NETO1: variants seen among roughly 807,000 people sequenced by gnomAD.
NETO1 encodes the protein neuropilin and tolloid-like protein 1.
In NETO1, 26 loss-of-function variants were observed where a neutral mutation model predicts 61.3. The ratio of observed to expected loss-of-function variants is 0.42; its 90% confidence interval spans 0.31 to 0.59. The LOEUF is 0.59. NETO1 is among the 20% of genes least tolerant of loss of function. The pLI, the probability that NETO1 is intolerant of heterozygous loss-of-function variation, is 0.12. For missense variants in NETO1, 531 were observed against 662.8 expected, an observed-to-expected ratio of 0.80 and a Z score of 2.18; for synonymous variants, 225 against 225.8, an observed-to-expected ratio of 1.00 and a Z score of 0.03.
At chr18:72,798,104 T>A (rs574439979) in intron 4 of NETO1, among the ~76,000 whole-genome samples, 1 of 152,310 alleles carries the variant, frequency 6.6e-6, no homozygotes, top group South Asian at 2.1e-4. Flanking sequence ...AAGGATGGGT[T>A]CCCCAACCAG....
chr18:72,819,414 G>C (rs72634469), intron 4 of NETO1, among the ~76,000 whole-genome samples: 31,416 of 152,030 alleles, frequency 0.21, 3,475 homozygotes, highest in East Asian at 0.33. Context: ...TCTGAGAACT[G>C]ATTAGTATTT....
chr18:72,806,805 T>C (rs2072688797), intron 4 of NETO1, among the ~76,000 whole-genome samples: 1 of 152,180 alleles, frequency 6.6e-6, no homozygotes, highest in African/African-American at 2.4e-5. Context: ...TCCAATCTCC[T>C]ACTCACTTTT....
At chr18:72,749,984 A>G in intron 9 of NETO1, 78 bp downstream of exon 9, 1 of 1,127,510 alleles carries the variant, frequency 8.9e-7, no homozygotes, top group Non-Finnish European at 1.3e-6. Context: ...AAATATGAAG[A>G]CAAAATAGAA....
At chr18:72,780,061 CCTT>C (rs1319141895) in intron 7 of NETO1, among the ~76,000 whole-genome samples, 5 of 152,172 alleles carry the variant, frequency 3.3e-5, no homozygotes, top group Non-Finnish European at 7.3e-5. Flanking sequence ...TGCCTCACCT[CCTT>C]ATCCCCTCAC....
chr18:72,780,040 C>A (rs959964336), intron 7 of NETO1, among the ~76,000 whole-genome samples: 5 of 152,170 alleles, frequency 3.3e-5, no homozygotes, highest in South Asian at 2.1e-4. Context: ...ATGAGCTAAT[C>A]ACCTCTCAAA....
At chr18:72,748,548 A>C (rs2070485085) in intron 10 of NETO1, among the ~76,000 whole-genome samples, 1 of 152,146 alleles carries the variant, frequency 6.6e-6, no homozygotes, top group Non-Finnish European at 1.5e-5. Flanking sequence ...AAATTGTGTC[A>C]GTACCAAAAA....
chr18:72,792,988 T>A (rs1330663074), intron 6 of NETO1, among the ~76,000 whole-genome samples: 7 of 152,138 alleles, frequency 4.6e-5, no homozygotes, highest in Admixed American at 4.6e-4. Context: ...TTCCCCTACC[T>A]GGTGTAAGGG....
intron 7 of NETO1, among the ~76,000 whole-genome samples, chr18:72,759,632 G>T (rs543368728): frequency 1.3e-5 from 2 of 152,262 alleles, no homozygotes; most frequent in Middle Eastern, 3.4e-3. Context: ...TCCAATCAAG[G>T]CCACGGTCTC....
intron 4 of NETO1, among the ~76,000 whole-genome samples, chr18:72,826,867 A>G (rs1268558043): frequency 1.3e-5 from 2 of 152,154 alleles, no homozygotes; most frequent in Non-Finnish European, 2.9e-5. Context: ...AGGCTTTTAC[A>G]TCGTGGGTGA....
At chr18:72,803,595 G>A (rs2072577292) in intron 4 of NETO1, among the ~76,000 whole-genome samples, 1 of 152,160 alleles carries the variant, frequency 6.6e-6, no homozygotes, top group African/African-American at 2.4e-5. Context: ...GCCGAGGCAG[G>A]CAGATCACCT....
chr18:72,867,425 G>C lies in NETO1; in HGVS notation c.-134C>G. On this transcript the variant is annotated 5_prime_UTR_variant, in exon 1 of 11. Coordinates refer to ENST00000327305, the MANE Select transcript of NETO1 (RefSeq NM_138966.5). Reference sequence around the variant, plus strand: ...CAAGAAGGAAATAAAGGGGGGCCGAGAGGGAGACCGAGAGGAAGGGGGAGC... The same window carrying C: ...CAAGAAGGAAATAAAGGGGGGCCGACAGGGAGACCGAGAGGAAGGGGGAGC... The C allele has an allele frequency of 9.4e-6, 5 of 530,334 alleles. No individual in the cohort carries two copies. Among genetic ancestry groups the C allele is most frequent in the Non-Finnish European group, 9.5e-6 (3 of 316,938 alleles). The allele number at this position is 530,334 out of a possible 1,614,324, so 32.9% of individuals were successfully genotyped here.
At chr18:72,759,916 C>A (rs532829826) in intron 7 of NETO1, among the ~76,000 whole-genome samples, 31 of 152,328 alleles carry the variant, frequency 2.0e-4, no homozygotes, top group African/African-American at 7.5e-4. Flanking sequence ...AAGTACCTCA[C>A]ACAGTTTCCA....
chr18:72,829,412 T>C (rs1391223946), intron 4 of NETO1, among the ~76,000 whole-genome samples: 1 of 152,004 alleles, frequency 6.6e-6, no homozygotes, highest in Non-Finnish European at 1.5e-5. Context: ...AAATATCTAA[T>C]ATACTCCAAT....
At chr18:72,811,705 T>C (rs1329014642) in intron 4 of NETO1, among the ~76,000 whole-genome samples, 1 of 152,076 alleles carries the variant, frequency 6.6e-6, no homozygotes, top group Non-Finnish European at 1.5e-5. Flanking sequence ...CTTGGGAAGC[T>C]AAGGCAGGAG....
chr18:72,794,313 T>C (rs776269794), intron 5 of NETO1, 50 bp downstream of exon 5: 2 of 1,613,536 alleles, frequency 1.2e-6, no homozygotes, highest in East Asian at 2.2e-5. Context: ...GTGTATTTCA[T>C]AGCAGAAAAC....
chr18:72,840,030 T>C (rs2073879534), intron 4 of NETO1, among the ~76,000 whole-genome samples: 1 of 152,196 alleles, frequency 6.6e-6, no homozygotes, highest in Non-Finnish European at 1.5e-5. Context: ...TAGCTTGTCT[T>C]ATAGTCTAGA....
intron 4 of NETO1, among the ~76,000 whole-genome samples, chr18:72,826,658 A>C (rs2073383257): frequency 1.3e-5 from 2 of 152,130 alleles, no homozygotes; most frequent in South Asian, 4.1e-4. Context: ...AGACAGGTTC[A>C]CTGTGTGCTG....
At chr18:72,807,830 G>T (rs2072728533) in intron 4 of NETO1, among the ~76,000 whole-genome samples, 1 of 151,904 alleles carries the variant, frequency 6.6e-6, no homozygotes, top group Non-Finnish European at 1.5e-5. Flanking sequence ...TCTTGTTGTT[G>T]TTGTATGTTG....
At chr18:72,797,920 G>C (rs2072372837) in intron 4 of NETO1, among the ~76,000 whole-genome samples, 1 of 151,950 alleles carries the variant, frequency 6.6e-6, no homozygotes, top group African/African-American at 2.4e-5. Flanking sequence ...TTTGGTTTTT[G>C]GTTCAAATAT....
Sources: gnomAD v4.1 joint callset for allele counts (sites outside exome capture counted in the v4.1 genomes callset) on GRCh38, gnomAD v4.1.1 for gene constraint, MANE v1.5 for transcripts, NCBI Gene and HGNC (gene_info 2026-07-23, HGNC 2026-07-21) for gene names.